Variants in IQSEC3 observed in about 807,000 individuals in gnomAD.
The protein encoded by IQSEC3 is IQ motif and Sec7 domain ArfGEF 3, also known as IQ motif and SEC7 domain-containing protein 3.
A neutral mutation model predicts 105.4 loss-of-function variants in IQSEC3; 50 were observed. The observed-to-expected ratio is 0.47, with a 90% CI of 0.38 to 0.60. The LOEUF is 0.60. IQSEC3 is among the 20% of genes least tolerant of loss of function. The probability of loss-of-function intolerance (pLI) is 0.00; values close to 1 mark genes in which losing one functional copy is unlikely to be tolerated. For synonymous variants in IQSEC3, 708 were observed against 746.0 expected, an observed-to-expected ratio of 0.95 and a Z score of 0.83; for missense variants, 1,415 against 1,630.0, an observed-to-expected ratio of 0.87 and a Z score of 2.27.
intron 7 of IQSEC3, among the ~76,000 whole-genome samples, chr12:160,961 TG>T (rs1165119692): frequency 2.0e-5 from 3 of 152,162 alleles, no homozygotes; most frequent in Non-Finnish European, 4.4e-5. Context: ...CACCTTGAAC[TG>T]GGGGCATCCA....
rs1866534350 is a variant in IQSEC3 at position 152,186 on chromosome 12, G to A, written c.2154-4839G>A. ...AGGGCACAAAAAGCACCAGAAAGGG[G>A]AAGGCAGGAGGTCAGCGATATGGAC... On this transcript the variant is annotated intron_variant, in intron 5 of 13. Coordinates refer to ENST00000538872, the MANE Select transcript of IQSEC3 (RefSeq NM_001170738.2). The surrounding 1 kb of genome is among the most constrained non-coding windows in gnomAD (Gnocchi z 4.8). 6.6e-6 allele frequency among the ~76,000 whole-genome samples: 1 copy of A among 152,346 alleles called. No individual in the cohort carries two copies. The highest frequency in any genetic ancestry group is 1.9e-4 in the East Asian group (1 of 5,182).
chr12:109,401 G>A (rs1555078954), intron 2 of IQSEC3, among the ~76,000 whole-genome samples: 1 of 152,114 alleles, frequency 6.6e-6, no homozygotes, highest in Non-Finnish European at 1.5e-5. Flanking sequence ...TAGCCCCCCG[G>A]CCTCTCTGCA....
intron 12 of IQSEC3, 106 bp downstream of exon 12, chr12:169,211 G>A (rs1938839139): frequency 4.7e-6 from 4 of 854,314 alleles, no homozygotes; most frequent in Admixed American, 2.3e-5. Context: ...TTCCCGTGGC[G>A]TGTTTCTTCC....
In IQSEC3 at chr12:165,841, G is replaced by A. The variant is rs782359054; in HGVS notation, c.2922G>A (p.Leu974=). 1.4e-5 allele frequency: 22 copies of A among 1,614,002 alleles called. 1 individual carries two copies. The South Asian group carries it at 2.4e-4, about 18-fold the overall frequency. The change falls in exon 11 of 14, where the codon CTG becomes CTA. Residue 974 remains leucine, a synonymous_variant. Transcript: ENST00000538872. ...AGATGCAGAAGTTCGTGGAGGACCT[G>A]AAGGAGTCCATTGCTGAGGTGACGG... ...SDEMQKFVED[L]KESIAEVTEL...
intron 2 of IQSEC3, among the ~76,000 whole-genome samples, chr12:112,360 G>A (rs1233343131): frequency 9.9e-5 from 15 of 152,142 alleles, no homozygotes; most frequent in African/African-American, 3.4e-4. Flanking sequence ...ATCCAAGCAG[G>A]GGCCTAGTGT....
chr12:140,441 C>T (rs556891581), intron 4 of IQSEC3: 2 of 152,312 alleles, frequency 1.3e-5, no homozygotes, highest in South Asian at 4.1e-4. Flanking sequence ...CACATGAAAA[C>T]TCATACAGAC....
chr12:139,170 T>C lies in IQSEC3; in HGVS notation c.1807T>C (p.Ser603Pro), dbSNP rs114561894. ...DLEQLSSSST[S>P]TKSAKSGSEA... ...GGAGCAGCTGAGCAGCAGCAGCACG[T>C]CCACCAAGTCCGCCAAGTCAGGCTC... The change falls in exon 4 of 14, where the codon TCC (serine) becomes CCC (proline). Residue 603 changes from serine to proline, a missense_variant. Physicochemically the swap from Ser to Pro is moderately conservative, Grantham distance 74. Around this residue, in one of 6 missense-constraint regions of IQSEC3, gnomAD observed 720 missense variants for 633.0 expected, o/e 1.14. Transcript: ENST00000538872. 67 of 1,576,448 alleles carry C rather than the reference T, an allele frequency of 4.3e-5. No homozygotes were observed. In the African/African-American group the frequency reaches 9.0e-4, roughly 21 times the overall value.
At chr12:165,962 G>A (rs1867156274) in intron 11 of IQSEC3, 72 bp downstream of exon 11, 2 of 1,538,960 alleles carry the variant, frequency 1.3e-6, no homozygotes. Flanking sequence ...GCTTGAGACA[G>A]ACATGCCTGA....
chr12:174,203 C>T (rs1052281178), intron 13 of IQSEC3, among the ~76,000 whole-genome samples: 1 of 152,180 alleles, frequency 6.6e-6, no homozygotes, highest in African/African-American at 2.4e-5. Context: ...TGGGTCTGCC[C>T]TCCTTTGCCT....
rs1465748421 is a variant in IQSEC3, at chr12:174,652, C to T, written c.3168C>T (p.Ala1056=). The change falls in exon 14 of 14, where the codon GCC becomes GCT. Residue 1056 remains alanine, a synonymous_variant. Transcript: ENST00000538872. ...QTSQHNSGLG[A]ERGAPVPPPD... ...CCCAGCACAACTCCGGGCTGGGGGC[C>T]GAGAGGGGAGCGCCGGTGCCGCCGC... 8.8e-6 allele frequency: 14 copies of T among 1,586,534 alleles called. No individual in the cohort carries two copies. Among genetic ancestry groups the T allele is most frequent in the South Asian group, 7.8e-5 (7 of 89,582 alleles).
At chr12:144,199 G>A (rs994466327) in intron 5 of IQSEC3, 1 of 152,176 alleles carries the variant, frequency 6.6e-6, no homozygotes, top group Non-Finnish European at 1.5e-5. Flanking sequence ...AGATGGAGAA[G>A]CAGAAAGTGG....
At chr12:157,440 A>T (rs1866729458) in intron 6 of IQSEC3, 88 bp from the exon 7 acceptor site, 1 of 1,313,902 alleles carries the variant, frequency 7.6e-7, no homozygotes, top group Non-Finnish European at 1.0e-6. Context: ...GAGAGCTGGG[A>T]TACCCCCTGG....
At position 157,031 on chromosome 12, in the gene IQSEC3, G is replaced by T. The variant is rs782017889; in HGVS notation, c.2160G>T (p.Val720=). The change falls in exon 6 of 14, where the codon GTG becomes GTT. Residue 720 remains valine, a synonymous_variant. Transcript: ENST00000538872. ...CCTCCCTGCCTGCCCTCAGCTGCGT[G>T]GTGGACGAGATGGACTTCTCCAGCA... The part of the protein sequence containing the change: ...KQFNRDVLDC[V]VDEMDFSSME... 2 of 1,601,670 alleles carry T rather than the reference G, an allele frequency of 1.2e-6. No individual in the cohort carries two copies. The highest frequency in any genetic ancestry group is 1.7e-5 in the Admixed American group (1 of 58,720).
At chr12:75,923 C>T (rs1345313073) in intron 1 of IQSEC3, among the ~76,000 whole-genome samples, 4 of 152,206 alleles carry the variant, frequency 2.6e-5, no homozygotes, top group East Asian at 3.8e-4. Flanking sequence ...GGGTGTGAGA[C>T]GGATGAGGGG....
At chr12:76,836 G>A (rs2136872402) in intron 1 of IQSEC3, among the ~76,000 whole-genome samples, 1 of 152,376 alleles carries the variant, frequency 6.6e-6, no homozygotes, top group Non-Finnish European at 1.5e-5. Context: ...GGATATCTCG[G>A]CCTAGCTGTG....
At chr12:74,793 T>C (rs1863455502) in intron 1 of IQSEC3, among the ~76,000 whole-genome samples, 2 of 152,296 alleles carry the variant, frequency 1.3e-5, no homozygotes, top group African/African-American at 4.8e-5. Flanking sequence ...AGGTAACCTG[T>C]TCAAGATTCT....
rs372906158 is a variant in IQSEC3 at position 138,573 on chromosome 12, G to A, written c.1210G>A (p.Glu404Lys). 3 of 1,587,110 alleles carry A rather than the reference G, an allele frequency of 1.9e-6. No homozygotes were observed. Among genetic ancestry groups the A allele is most frequent in the Non-Finnish European group, 2.6e-6 (3 of 1,174,108 alleles). Residue 404 changes from glutamate to lysine, a missense_variant, in exon 4 of 14, where the codon GAG becomes AAG. This residue lies in a region of IQSEC3 where 720 missense variants were observed against 633.0 expected (regional missense o/e 1.14). Coordinates refer to ENST00000538872, the MANE Select transcript of IQSEC3 (RefSeq NM_001170738.2). This position sits in a 1 kb window ranked among gnomAD's most constrained non-coding sequence, Gnocchi z 7.1. ...CACCGAGCTGGAGGACTCCTTCACCGAGCAGGTGCAATCCCTGGCCAAGTC... is the reference window on the plus strand; with the variant it reads ...CACCGAGCTGGAGGACTCCTTCACCAAGCAGGTGCAATCCCTGGCCAAGTC... ...TLTELEDSFT[E>K]QVQSLAKSID...
At chr12:147,168 C>G (rs1206774877) in intron 5 of IQSEC3, among the ~76,000 whole-genome samples, 4 of 152,174 alleles carry the variant, frequency 2.6e-5, no homozygotes, top group Admixed American at 6.5e-5. Flanking sequence ...ATAGCTGTGG[C>G]TGCAACAGGC....
chr12:85,602 G>A (rs564374546), intron 1 of IQSEC3, among the ~76,000 whole-genome samples: 1 of 152,234 alleles, frequency 6.6e-6, no homozygotes, highest in African/African-American at 2.4e-5. Flanking sequence ...AGCTCTCACT[G>A]TTCTGGGGCT....
Sources: gnomAD v4.1 joint callset for allele counts (sites outside exome capture counted in the v4.1 genomes callset) on GRCh38, gnomAD v4.1.1 for gene constraint, gnomAD v4.1.1 regional missense constraint, Gnocchi (gnomAD v3.1) non-coding constraint, MANE v1.5 for transcripts, NCBI Gene and HGNC (gene_info 2026-07-23, HGNC 2026-07-21) for gene names.